Variants in ARHGAP6 observed in about 807,000 individuals in gnomAD.
ARHGAP6 encodes the protein Rho GTPase activating protein 6.
Under a neutral mutation model 55.7 loss-of-function variants are expected in ARHGAP6, and 16 were observed. The observed-to-expected ratio is 0.29, with a 90% CI of 0.19 to 0.44. ARHGAP6 has a LOEUF of 0.44. ARHGAP6 is among the 20% of genes least tolerant of loss of function. The pLI, the probability that ARHGAP6 is intolerant of heterozygous loss-of-function variation, is 1.00. For missense variants in ARHGAP6, 698 were observed against 808.9 expected (o/e 0.86, Z 1.66); for synonymous variants, 382 against 360.9 (o/e 1.06, Z -0.66).
chrX:11,541,275 A>C, intron 1 of ARHGAP6, among the ~76,000 whole-genome samples: 1 of 111,386 alleles, frequency 9.0e-6, no homozygotes, highest in East Asian at 2.8e-4. Context: ...CAGGGCTAGC[A>C]GGCTTAGGAT....
At chrX:11,354,269 C>A (rs2048897974) in intron 1 of ARHGAP6, among the ~76,000 whole-genome samples, 2 of 71,043 alleles carry the variant, frequency 2.8e-5, no homozygotes, top group Non-Finnish European at 5.1e-5. Flanking sequence ...GGAAAGAGCT[C>A]TCTCTCTCTC....
intron 1 of ARHGAP6, among the ~76,000 whole-genome samples, chrX:11,621,033 G>A (rs2052222602): frequency 8.9e-6 from 1 of 111,856 alleles, no homozygotes; most frequent in Non-Finnish European, 1.9e-5. Flanking sequence ...TTTTACTATA[G>A]GGCAGGAGCT....
intron 1 of ARHGAP6, among the ~76,000 whole-genome samples, chrX:11,596,744 C>T (rs1028370751): frequency 3.6e-5 from 4 of 111,135 alleles, no homozygotes; most frequent in African/African-American, 1.3e-4. Context: ...TCTAAATTCT[C>T]TGGTCTCATG....
intron 1 of ARHGAP6, chrX:11,334,718 T>G (rs2048606570): frequency 4.6e-6 from 1 of 217,680 alleles, no homozygotes; most frequent in Non-Finnish European, 8.6e-6. Flanking sequence ...CAAACATTAA[T>G]GCTCTGTTCA....
At chrX:11,390,391 A>G (rs1182267675) in intron 1 of ARHGAP6, among the ~76,000 whole-genome samples, 1 of 111,673 alleles carries the variant, frequency 9.0e-6, no homozygotes, top group Non-Finnish European at 1.9e-5. Context: ...ACCATTCAGG[A>G]CATAGGCATG....
At chrX:11,491,416 A>T (rs1455186998) in intron 1 of ARHGAP6, among the ~76,000 whole-genome samples, 1 of 92,753 alleles carries the variant, frequency 1.1e-5, no homozygotes, top group Non-Finnish European at 2.1e-5. Flanking sequence ...TCCTGTTTCC[A>T]TGTGTTCTCA....
chrX:11,511,920 G>A (rs907308815), intron 1 of ARHGAP6, among the ~76,000 whole-genome samples: 2 of 111,089 alleles, frequency 1.8e-5, no homozygotes, highest in Admixed American at 1.9e-4. Flanking sequence ...TCTGCCTCCC[G>A]GGTTCACACC....
At chrX:11,660,710 T>C (rs1396899913) in intron 1 of ARHGAP6, among the ~76,000 whole-genome samples, 1 of 110,302 alleles carries the variant, frequency 9.1e-6, no homozygotes, top group Non-Finnish European at 1.9e-5. Context: ...TAGGGCCCTC[T>C]AAGTCTTCTT....
chrX:11,277,779 A>G (rs184667910), intron 1 of ARHGAP6, among the ~76,000 whole-genome samples: 57 of 111,081 alleles, frequency 5.1e-4, no homozygotes, highest in Admixed American at 3.7e-3. Context: ...ATTTATGTTT[A>G]TATTTTAACT....
At chrX:11,232,207 T>C (rs866164101) in intron 2 of ARHGAP6, among the ~76,000 whole-genome samples, 3 of 112,102 alleles carry the variant, frequency 2.7e-5, no homozygotes, top group African/African-American at 6.5e-5. Context: ...TATGTTTGTA[T>C]CCATTGTCCA....
intron 1 of ARHGAP6, among the ~76,000 whole-genome samples, chrX:11,387,237 T>C (rs1174102909): frequency 9.0e-6 from 1 of 111,652 alleles, no homozygotes; most frequent in Non-Finnish European, 1.9e-5. Flanking sequence ...TAGAATTACC[T>C]GGGGAGCTCT....
intron 1 of ARHGAP6, among the ~76,000 whole-genome samples, chrX:11,370,396 G>A: frequency 8.9e-6 from 1 of 112,121 alleles, no homozygotes; most frequent in South Asian, 3.7e-4. Context: ...CATCATTGTT[G>A]CAGTCATCAA....
At chrX:11,572,931 G>C (rs1359799456) in intron 1 of ARHGAP6, among the ~76,000 whole-genome samples, 1 of 112,098 alleles carries the variant, frequency 8.9e-6, no homozygotes, top group African/African-American at 3.2e-5. Flanking sequence ...GCATTTCTCT[G>C]ATGGCCAGTG....
intron 2 of ARHGAP6, among the ~76,000 whole-genome samples, chrX:11,203,930 C>G (rs1185508026): frequency 1.8e-5 from 2 of 111,956 alleles, no homozygotes; most frequent in African/African-American, 3.2e-5. Flanking sequence ...CTTCCTGGCT[C>G]TACTTCCTCA....
At chrX:11,630,218 G>A (rs1459635257) in intron 1 of ARHGAP6, among the ~76,000 whole-genome samples, 3 of 111,958 alleles carry the variant, frequency 2.7e-5, no homozygotes, top group Non-Finnish European at 5.6e-5. Context: ...TGAGGGAAAT[G>A]TTTATGTAAA....
At chrX:11,291,580 T>C (rs181617517) in intron 1 of ARHGAP6, among the ~76,000 whole-genome samples, 135 of 111,241 alleles carry the variant, frequency 1.2e-3, no homozygotes, top group African/African-American at 4.2e-3. Flanking sequence ...TGTAATTATA[T>C]AAAATGGGGG....
intron 1 of ARHGAP6, among the ~76,000 whole-genome samples, chrX:11,572,888 G>T (rs1211687536): frequency 5.4e-5 from 6 of 111,821 alleles, no homozygotes; most frequent in African/African-American, 2.0e-4. Context: ...ATTGTAACTG[G>T]TGTGAGATGG....
At chrX:11,230,223 C>T (rs1487404195) in intron 2 of ARHGAP6, among the ~76,000 whole-genome samples, 1 of 111,421 alleles carries the variant, frequency 9.0e-6, no homozygotes, top group Non-Finnish European at 1.9e-5. Flanking sequence ...GAGAAGGAGT[C>T]TTTCTCACTC....
At chrX:11,282,107 CCACA>C (rs2047863061) in intron 1 of ARHGAP6, among the ~76,000 whole-genome samples, 1 of 111,698 alleles carries the variant, frequency 9.0e-6, no homozygotes, top group African/African-American at 3.3e-5. Context: ...AGATTCTTGG[CCACA>C]CAAAGAATGT....
Sources: gnomAD v4.1 joint callset for allele counts (sites outside exome capture counted in the v4.1 genomes callset) on GRCh38, gnomAD v4.1.1 for gene constraint, MANE v1.5 for transcripts, NCBI Gene and HGNC (gene_info 2026-07-23, HGNC 2026-07-21) for gene names.